CNTN4: variants seen among roughly 807,000 people sequenced by gnomAD.
CNTN4 encodes contactin-4.
Under a neutral mutation model 122.5 loss-of-function variants are expected in CNTN4, and 77 were observed. That is an observed-to-expected ratio of 0.63 (90% CI 0.52 to 0.76). The LOEUF is 0.76. Ranked by LOEUF, CNTN4 falls within the 30% of genes least tolerant of loss-of-function variation. CNTN4 has a pLI of 0.00. For missense variants in CNTN4, 1,256 were observed against 1,259.1 expected (o/e 1.00, Z 0.04); for synonymous variants, 512 against 447.0 (o/e 1.15, Z -1.83).
intron 8 of CNTN4, chr3:2,882,926 A>C: frequency 4.1e-6 from 2 of 482,184 alleles, no homozygotes; most frequent in Non-Finnish European, 7.6e-6. Flanking sequence ...AATTTAATCC[A>C]GGCAAATGGT....
intron 2 of CNTN4, among the ~76,000 whole-genome samples, chr3:2,292,914 G>A (rs190580796): frequency 4.9e-4 from 75 of 152,242 alleles, no homozygotes; most frequent in Non-Finnish European, 7.2e-4. Flanking sequence ...ATTTCTATAG[G>A]AGTAAAACTG....
chr3:2,488,773 G>A lies in CNTN4; in HGVS notation c.-88-82643G>A, dbSNP rs571057553. Among the ~76,000 whole-genome samples the A allele has an allele frequency of 3.0e-3, 458 of 152,282 alleles. 2 individuals carry two copies. The highest frequency in any genetic ancestry group is 0.011 in the African/African-American group (440 of 41,552). On this transcript the variant is annotated intron_variant, in intron 3 of 24. Coordinates refer to ENST00000418658, the MANE Select transcript of CNTN4 (RefSeq NM_175607.3). ...GAACACATCTGAACTTTCAAAGCTT[G>A]TGTAGTAGCATTCAACGGAAATGCA... is the stretch of plus-strand genomic sequence containing the variant.
intron 3 of CNTN4, among the ~76,000 whole-genome samples, chr3:2,475,443 A>G (rs1159433770): frequency 1.3e-5 from 2 of 152,178 alleles, no homozygotes; most frequent in African/African-American, 4.8e-5. Context: ...GAGCTTAGGA[A>G]CCCAGAAGAA....
chr3:2,694,391 CAG>C (rs1183601565), intron 4 of CNTN4, among the ~76,000 whole-genome samples: 1 of 152,200 alleles, frequency 6.6e-6, no homozygotes, highest in Non-Finnish European at 1.5e-5. Context: ...TTCTCTAAAG[CAG>C]AGTCTGTGTT....
intron 6 of CNTN4, among the ~76,000 whole-genome samples, chr3:2,810,495 A>C (rs1464256408): frequency 6.6e-6 from 1 of 152,176 alleles, no homozygotes; most frequent in Non-Finnish European, 1.5e-5. Context: ...CAATTTTGCT[A>C]AATAGAGGAT....
At chr3:2,866,441 G>T in intron 7 of CNTN4, 2 of 1,215,466 alleles carry the variant, frequency 1.6e-6, no homozygotes, top group Non-Finnish European at 1.0e-6. Context: ...CTCAATACAT[G>T]TTACATAGTG....
chr3:2,604,065 T>C (rs889258571), intron 4 of CNTN4, among the ~76,000 whole-genome samples: 2 of 152,176 alleles, frequency 1.3e-5, no homozygotes, highest in African/African-American at 4.8e-5. Context: ...TCTTAACATT[T>C]CTACTTGGAA....
chr3:2,105,714 C>T (rs138210141), intron 2 of CNTN4, among the ~76,000 whole-genome samples: 151 of 152,240 alleles, frequency 9.9e-4, no homozygotes, highest in African/African-American at 3.5e-3. Flanking sequence ...AGAGCCAAAC[C>T]ATATCATTCT....
chr3:2,307,404 T>C (rs1666352), intron 2 of CNTN4, among the ~76,000 whole-genome samples: 45,740 of 149,358 alleles, frequency 0.31, 8,248 homozygotes, highest in African/African-American at 0.5. Context: ...CACTGCACTC[T>C]AGCCTGGGCG....
chr3:2,950,467 G>T (rs2094728155), intron 13 of CNTN4, among the ~76,000 whole-genome samples: 1 of 152,172 alleles, frequency 6.6e-6, no homozygotes, highest in Non-Finnish European at 1.5e-5. Flanking sequence ...AGTTAGGCCT[G>T]CCACTGTCTG....
intron 3 of CNTN4, among the ~76,000 whole-genome samples, chr3:2,527,270 T>A (rs528563036): frequency 8.5e-5 from 13 of 152,326 alleles, no homozygotes; most frequent in Non-Finnish European, 1.8e-4. Context: ...CTGTTTCATC[T>A]TTTTATGTGG....
intron 2 of CNTN4, among the ~76,000 whole-genome samples, chr3:2,211,796 C>G (rs1212030136): frequency 6.6e-6 from 1 of 152,158 alleles, no homozygotes; most frequent in African/African-American, 2.4e-5. Context: ...AATTATTTAA[C>G]AAGCATTTAC....
At chr3:2,421,143 C>G (rs2047598973) in intron 3 of CNTN4, among the ~76,000 whole-genome samples, 1 of 152,148 alleles carries the variant, frequency 6.6e-6, no homozygotes, top group African/African-American at 2.4e-5. Context: ...CAGTTTAGCC[C>G]TCCCCCATCA....
At chr3:2,154,712 G>C (rs1456269610) in intron 2 of CNTN4, among the ~76,000 whole-genome samples, 19 of 152,216 alleles carry the variant, frequency 1.2e-4, no homozygotes, top group Non-Finnish European at 2.8e-4. Flanking sequence ...GTAGAGACTT[G>C]AATGATTGTG....
chr3:2,740,932 C>G (rs747185422), intron 5 of CNTN4, among the ~76,000 whole-genome samples: 2 of 152,144 alleles, frequency 1.3e-5, no homozygotes, highest in Non-Finnish European at 2.9e-5. Flanking sequence ...TCAAACCTCA[C>G]CAGTGTTTTT....
At chr3:2,746,052 T>C (rs1262687854) in intron 6 of CNTN4, among the ~76,000 whole-genome samples, 1 of 152,028 alleles carries the variant, frequency 6.6e-6, no homozygotes, top group Non-Finnish European at 1.5e-5. Context: ...ACATTTTAAA[T>C]AGAATGTGTA....
At chr3:2,652,527 A>G (rs2083408011) in intron 4 of CNTN4, among the ~76,000 whole-genome samples, 1 of 152,202 alleles carries the variant, frequency 6.6e-6, no homozygotes, top group African/African-American at 2.4e-5. Context: ...TCCAAAGCCC[A>G]CTGGGTCTGT....
At chr3:2,584,130 G>C (rs976690719) in intron 4 of CNTN4, among the ~76,000 whole-genome samples, 1 of 152,104 alleles carries the variant, frequency 6.6e-6, no homozygotes, top group Non-Finnish European at 1.5e-5. Flanking sequence ...TAATAATAAT[G>C]TCTATTGTAG....
chr3:2,683,152 GA>G, intron 4 of CNTN4, among the ~76,000 whole-genome samples: 1 of 152,222 alleles, frequency 6.6e-6, no homozygotes, highest in Non-Finnish European at 1.5e-5. Flanking sequence ...ACAAGAAATG[GA>G]ATAGAAAGAC....
Sources: gnomAD v4.1 joint callset for allele counts (sites outside exome capture counted in the v4.1 genomes callset) on GRCh38, gnomAD v4.1.1 for gene constraint, MANE v1.5 for transcripts, NCBI Gene and HGNC (gene_info 2026-07-23, HGNC 2026-07-21) for gene names.